Variants in HPN observed in about 807,000 individuals in gnomAD.
HPN encodes serine protease hepsin.
Under a neutral mutation model 55.9 loss-of-function variants are expected in HPN, and 13 were observed. The observed-to-expected ratio is 0.23, with a 90% CI of 0.15 to 0.37. HPN has a LOEUF of 0.37. HPN is among the 10% of genes least tolerant of loss of function. HPN has a pLI of 1.00. For synonymous variants in HPN, 225 were observed against 240.3 expected, an observed-to-expected ratio of 0.94 and a Z score of 0.59; for missense variants, 451 against 575.8, an observed-to-expected ratio of 0.78 and a Z score of 2.22.
intron 10 of HPN, 95 bp downstream of exon 10, chr19:35,065,440 T>TGAGGA (rs1185008993): frequency 6.4e-7 from 1 of 1,563,272 alleles, no homozygotes; most frequent in African/African-American, 1.4e-5. Flanking sequence ...GTCTTGACCA[T>TGAGGA]GAGGAGTAGG....
rs768341803 is a variant in HPN, at chr19:35,066,024, G to A, written c.1207G>A (p.Ala403Thr). Reference protein sequence around the residue: ...VSDFREWIFQAIKTHSEASGM... With the variant: ...VSDFREWIFQTIKTHSEASGM... Reference sequence around the variant, plus strand: ...TGACTTCCGGGAGTGGATCTTCCAGGCCATAAAGGTGAAAGTTGGGTCCAG... The same window carrying A: ...TGACTTCCGGGAGTGGATCTTCCAGACCATAAAGGTGAAAGTTGGGTCCAG... Residue 403 changes from alanine (A) to threonine (T), a missense_variant, in exon 12 of 13, where the codon GCC becomes ACC. Coordinates refer to ENST00000672452, the MANE Select transcript of HPN (RefSeq NM_001384133.1). The A allele has an allele frequency of 2.2e-5, 36 of 1,610,742 alleles. No homozygotes were observed. The highest frequency in any genetic ancestry group is 3.0e-5 in the Non-Finnish European group (35 of 1,180,022).
rs368511224 is a variant in HPN at position 35,060,664 on chromosome 19, G to A, written c.658G>A (p.Gly220Ser). 9 of 1,614,008 alleles carry A rather than the reference G, an allele frequency of 5.6e-6. No individual in the cohort carries two copies. The highest frequency in any genetic ancestry group is 2.7e-5 in the African/African-American group (2 of 74,956). ...CCTGTCCCGATGGCGAGTGTTTGCC[G>A]GTGCCGTGGCCCAGGCCTCTCCCCA... is the stretch of plus-strand genomic sequence containing the variant. ...RVLSRWRVFA[G>S]AVAQASPHGL... The change falls in exon 9 of 13, where the codon GGT becomes AGT. Residue 220 changes from glycine to serine, a missense_variant. Physicochemically the swap from Gly to Ser is moderately conservative, Grantham distance 56. This residue lies in a region of HPN where 378 missense variants were observed against 445.5 expected (regional missense o/e 0.85). Coordinates refer to ENST00000672452, the MANE Select transcript of HPN (RefSeq NM_001384133.1).
At chr19:35,042,121 A>G in intron 1 of HPN, 1 of 1,114,984 alleles carries the variant, frequency 9.0e-7, no homozygotes, top group Non-Finnish European at 1.1e-6. Flanking sequence ...CCCTCATACT[A>G]GGGAGTCCTG....
chr19:35,046,157 C>T (rs997596050), intron 2 of HPN, among the ~76,000 whole-genome samples: 1 of 152,070 alleles, frequency 6.6e-6, no homozygotes, highest in African/African-American at 2.4e-5. Context: ...AGGGGTCAGC[C>T]GGCAGTAGTT....
chr19:35,051,500 G>A (rs961129210), intron 4 of HPN, among the ~76,000 whole-genome samples: 6 of 152,152 alleles, frequency 3.9e-5, no homozygotes, highest in African/African-American at 1.4e-4. Context: ...TCTCAGATCA[G>A]CCTCCCAAAG....
At chr19:35,058,891 T>G (rs2064489570) in intron 4 of HPN, among the ~76,000 whole-genome samples, 2 of 152,276 alleles carry the variant, frequency 1.3e-5, no homozygotes, top group South Asian at 4.1e-4. Context: ...AAATAAAATG[T>G]TATCAGAAAT....
In HPN at chr19:35,065,298, A is replaced by G; in HGVS notation, c.860A>G (p.Asp287Gly). 1 of 1,613,968 alleles carries G rather than the reference A, an allele frequency of 6.2e-7. No homozygotes were observed. Among genetic ancestry groups the G allele is most frequent in the South Asian group, 1.1e-5 (1 of 91,076 alleles). ...CLPAAGQALV[D>G]GKICTVTGWG... is the part of the protein sequence containing the mutation. The stretch of plus-strand genomic sequence containing the variant: ...CCAGCTGCCGGCCAGGCCCTGGTGG[A>G]TGGCAAGATCTGTACCGTGACGGGC... The change falls in exon 10 of 13, where the codon GAT (aspartate) becomes GGT (glycine). Residue 287 changes from aspartate to glycine, a missense_variant. Coordinates refer to ENST00000672452, the MANE Select transcript of HPN (RefSeq NM_001384133.1).
At chr19:35,053,028 C>T (rs1053813335) in intron 4 of HPN, among the ~76,000 whole-genome samples, 6 of 152,170 alleles carry the variant, frequency 3.9e-5, no homozygotes, top group African/African-American at 1.2e-4. Flanking sequence ...ATCCCCACCT[C>T]GCTTTTTTTT....
chr19:35,042,360 A>T, intron 1 of HPN, 93 bp from the exon 2 acceptor site: 1 of 1,456,672 alleles, frequency 6.9e-7, no homozygotes. Context: ...CAGTCCCTAC[A>T]GCCTGCCTGG....
chr19:35,046,190 C>T (rs1174380045), intron 2 of HPN, among the ~76,000 whole-genome samples: 2 of 152,000 alleles, frequency 1.3e-5, no homozygotes, highest in African/African-American at 4.8e-5. Context: ...CCCACTGGGG[C>T]CTCTTTTGGG....
chr19:35,065,399 C>T, intron 10 of HPN, 54 bp downstream of exon 10: 1 of 1,568,182 alleles, frequency 6.4e-7, no homozygotes, highest in Non-Finnish European at 8.7e-7. Flanking sequence ...CTGAACTAGG[C>T]TGGGGATGGG....
At chr19:35,043,277 G>C (rs2064311716) in intron 2 of HPN, among the ~76,000 whole-genome samples, 1 of 152,158 alleles carries the variant, frequency 6.6e-6, no homozygotes, top group African/African-American at 2.4e-5. Flanking sequence ...GCTGGCCCTT[G>C]GGAGTCTCTG....
At position 35,065,587 on chromosome 19, in the gene HPN, A is replaced by G. The variant is rs879044699; in HGVS notation, c.956A>G (p.Asn319Ser). Residue 319 changes from asparagine to serine, a missense_variant, in exon 11 of 13, where the codon AAT becomes AGT. By Grantham distance (46) the Asn-to-Ser change is conservative (BLOSUM62 1). Coordinates refer to ENST00000672452, the MANE Select transcript of HPN (RefSeq NM_001384133.1). Reference protein sequence around the residue: ...LQEARVPIISNDVCNGADFYG... With the variant: ...LQEARVPIISSDVCNGADFYG... Reference sequence around the variant, plus strand: ...GAGGCTCGAGTCCCCATAATCAGCAATGATGTCTGCAATGGCGCTGACTTC... The same window carrying G: ...GAGGCTCGAGTCCCCATAATCAGCAGTGATGTCTGCAATGGCGCTGACTTC... The G allele has an allele frequency of 1.2e-6, 2 of 1,614,060 alleles. No individual in the cohort carries two copies. The highest frequency in any genetic ancestry group is 1.1e-5 in the South Asian group (1 of 91,090).
intron 4 of HPN, chr19:35,050,522 G>T: frequency 1.6e-6 from 2 of 1,288,932 alleles, no homozygotes; most frequent in Non-Finnish European, 2.0e-6. Flanking sequence ...CTTATCCACT[G>T]TAAGTGTGTC....
chr19:35,058,486 A>C (rs2064481788), intron 4 of HPN, among the ~76,000 whole-genome samples: 1 of 141,494 alleles, frequency 7.1e-6, no homozygotes, highest in African/African-American at 2.8e-5. Context: ...AAGGAGAGTT[A>C]ATCTGTTTGA....
chr19:35,059,858 C>T lies in HPN; in HGVS notation c.291-16C>T, dbSNP rs1205238564. 1 of 1,504,394 alleles carries T rather than the reference C, an allele frequency of 6.6e-7. No homozygotes were observed. The highest frequency in any genetic ancestry group is 1.4e-5 in the African/African-American group (1 of 72,336). 93.2% of individuals were successfully genotyped at this position (1,504,394 alleles called of 1,614,324 possible). On this transcript the variant is annotated splice_polypyrimidine_tract_variant and intron_variant, in intron 5 of 12. Transcript: ENST00000672452. ...GGGAGGGGCTGGGGAGCAGGCCTAACCCCTGCCCCGCCCAGGGCACTGACC... is the reference window on the plus strand; with the variant it reads ...GGGAGGGGCTGGGGAGCAGGCCTAATCCCTGCCCCGCCCAGGGCACTGACC...
intron 2 of HPN, among the ~76,000 whole-genome samples, chr19:35,044,033 G>A (rs2064318523): frequency 6.6e-6 from 1 of 152,226 alleles, no homozygotes; most frequent in Non-Finnish European, 1.5e-5. Context: ...CTTACTTGCC[G>A]GGTGACCCGG....
intron 1 of HPN, 113 bp from the exon 2 acceptor site, chr19:35,042,340 G>A: frequency 7.0e-7 from 1 of 1,432,612 alleles, no homozygotes; most frequent in Non-Finnish European, 9.1e-7. Context: ...GGCGTGCTCT[G>A]GCCAAGGCCC....
At chr19:35,058,062 A>T (rs996716405) in intron 4 of HPN, among the ~76,000 whole-genome samples, 10 of 152,038 alleles carry the variant, frequency 6.6e-5, no homozygotes, top group African/African-American at 2.2e-4. Flanking sequence ...CTGAGGCAGA[A>T]GAATCGCTTG....
Sources: allele counts gnomAD v4.1 joint callset (sites outside exome capture counted in the v4.1 genomes callset), GRCh38; gene constraint gnomAD v4.1.1; regional missense constraint gnomAD v4.1.1; transcripts MANE v1.5; gene names NCBI Gene and HGNC (gene_info 2026-07-23, HGNC 2026-07-21).